Variants in FAT2 observed in about 807,000 individuals in gnomAD.
FAT2 encodes protocadherin Fat 2.
FAT2 carries 150 observed loss-of-function variants against 295.3 expected under a neutral mutation model. The ratio of observed to expected loss-of-function variants is 0.51; its 90% CI spans 0.44 to 0.58. The LOEUF (loss-of-function observed/expected upper bound fraction) is 0.58, where lower values mean the gene tolerates loss of function less well. Ranked by LOEUF, FAT2 falls within the 20% of genes least tolerant of loss-of-function variation. The pLI is 0.00. For synonymous variants in FAT2, 2,026 were observed against 2,150.3 expected (o/e 0.94, Z 1.60); for missense variants, 4,868 against 5,442.7 (o/e 0.89, Z 3.32).
rs1457976187 is a variant in FAT2, at chr5:151,510,096, C to A, written c.11984G>T (p.Cys3995Phe). 1 of 1,614,202 alleles carries A rather than the reference C, an allele frequency of 6.2e-7. No individual in the cohort carries two copies. Among genetic ancestry groups the A allele is most frequent in the Admixed American group, 1.7e-5 (1 of 60,028 alleles). The change falls in exon 22 of 24, where the codon TGC (cysteine) becomes TTC (phenylalanine). Residue 3995 changes from cysteine to phenylalanine, a missense_variant. Physicochemically the swap from Cys to Phe is radical, Grantham distance 205 (BLOSUM62 -2). This residue lies in a region of FAT2 where 492 missense variants were observed against 482.6 expected (regional missense o/e 1.02). Coordinates refer to ENST00000261800, the MANE Select transcript of FAT2 (RefSeq NM_001447.3). Reference sequence around the variant, plus strand: ...GAGGATGCAAGTTCCACCTTCCAGGCAGGGTGCAAAAGTACAGTTCTCCCT... The same window carrying A: ...GAGGATGCAAGTTCCACCTTCCAGGAAGGGTGCAAAAGTACAGTTCTCCCT... Reference protein sequence around the residue: ...QGRENCTFAPCLEGGTCILSP... With the variant: ...QGRENCTFAPFLEGGTCILSP...
At chr5:151,584,355 AT>A (rs1434182109) in intron 1 of FAT2, among the ~76,000 whole-genome samples, 2 of 152,120 alleles carry the variant, frequency 1.3e-5, no homozygotes, top group African/African-American at 4.8e-5. Flanking sequence ...GTTCCAGCTC[AT>A]TGGGGCTTAC....
At chr5:151,578,782 G>GC (rs917306142) in intron 1 of FAT2, among the ~76,000 whole-genome samples, 1 of 152,210 alleles carries the variant, frequency 6.6e-6, no homozygotes, top group Non-Finnish European at 1.5e-5. Context: ...ATGTCATTCA[G>GC]CCTTAAAAGG....
chr5:151,546,744 G>A (rs1191487210), intron 9 of FAT2, among the ~76,000 whole-genome samples: 1 of 151,766 alleles, frequency 6.6e-6, no homozygotes, highest in African/African-American at 2.4e-5. Flanking sequence ...TTTAGAGTCA[G>A]GGTCTTTCCT....
Position 151,521,975 on chromosome 5 carries a change from C to A in FAT2, c.10618G>T (p.Val3540Phe), listed in dbSNP as rs759884020. The A allele has an allele frequency of 1.9e-6, 3 of 1,614,226 alleles. No individual in the cohort carries two copies. Among genetic ancestry groups the A allele is most frequent in the Non-Finnish European group, 2.5e-6 (3 of 1,180,028 alleles). ...SALPLEIFIT[V>F]GEDEFQGGMV... Reference sequence around the variant, plus strand: ...CCACCCTGGAACTCATCCTCTCCAACAGTGATGAAGATCTCCAGTGGGAGA... The same window carrying A: ...CCACCCTGGAACTCATCCTCTCCAAAAGTGATGAAGATCTCCAGTGGGAGA... The change falls in exon 19 of 24, where the codon GTT (valine) becomes TTT (phenylalanine). Residue 3540 changes from valine to phenylalanine, a missense_variant. Coordinates refer to ENST00000261800, the MANE Select transcript of FAT2 (RefSeq NM_001447.3).
intron 10 of FAT2, 122 bp from the exon 11 acceptor site, chr5:151,540,885 C>T: frequency 3.5e-6 from 3 of 852,926 alleles, no homozygotes; most frequent in South Asian, 4.3e-5. Flanking sequence ...CATTTCCTTC[C>T]TTAACTAGGA....
intron 1 of FAT2, among the ~76,000 whole-genome samples, chr5:151,570,184 A>G (rs1376521136): frequency 1.3e-5 from 2 of 152,244 alleles, no homozygotes; most frequent in Admixed American, 1.3e-4. Flanking sequence ...AGCTCCTTGC[A>G]CAGACCAGGG....
At position 151,546,250 on chromosome 5, in the gene FAT2, T is replaced by C. The variant is rs577417745; in HGVS notation, c.4877A>G (p.His1626Arg). The C allele has an allele frequency of 1.2e-6, 2 of 1,614,050 alleles. No homozygotes were observed. The highest frequency in any genetic ancestry group is 1.7e-6 in the Non-Finnish European group (2 of 1,180,022). Reference protein sequence around the residue: ...QKLDQANHAPHTLTVKAEDQG... With the variant: ...QKLDQANHAPRTLTVKAEDQG... Reference sequence around the variant, plus strand: ...ATCTTCTGCCTTCACTGTCAGAGTATGTGGGGCATGATTTGCCTGATCAAG... The same window carrying C: ...ATCTTCTGCCTTCACTGTCAGAGTACGTGGGGCATGATTTGCCTGATCAAG... The change falls in exon 10 of 24, where the codon CAT becomes CGT. Residue 1626 changes from histidine to arginine, a missense_variant. His to Arg is a conservative substitution (Grantham distance 29). This residue lies in a region of FAT2 where 3,297 missense variants were observed against 3,669.4 expected (regional missense o/e 0.90). Coordinates refer to ENST00000261800, the MANE Select transcript of FAT2 (RefSeq NM_001447.3).
At chr5:151,574,667 G>GGGAT (rs1758674358) in intron 1 of FAT2, among the ~76,000 whole-genome samples, 1 of 152,206 alleles carries the variant, frequency 6.6e-6, no homozygotes, top group Admixed American at 6.5e-5. Flanking sequence ...TCGCATTCAA[G>GGGAT]TCTCCCACTC....
chr5:151,511,130 G>A (rs1327533365), intron 21 of FAT2: 1 of 152,544 alleles, frequency 6.6e-6, no homozygotes, highest in Admixed American at 6.5e-5. Context: ...AGGGTGAGAG[G>A]TGATGGGGGC....
At chr5:151,506,953 A>T (rs1173712488) in intron 23 of FAT2, among the ~76,000 whole-genome samples, 12 of 152,186 alleles carry the variant, frequency 7.9e-5, no homozygotes, top group Admixed American at 7.9e-4. Flanking sequence ...AATTTAAAGG[A>T]GTGCAATAGA....
upstream of FAT2, among the ~76,000 whole-genome samples, chr5:151,594,732 AC>A (rs1759521284): frequency 6.6e-6 from 1 of 152,194 alleles, no homozygotes; most frequent in Non-Finnish European, 1.5e-5. Context: ...CAATACAGCC[AC>A]ACTCACCTAA....
chr5:151,594,424 A>G (rs980946053), upstream of FAT2, among the ~76,000 whole-genome samples: 5 of 152,218 alleles, frequency 3.3e-5, no homozygotes, highest in Non-Finnish European at 7.3e-5. Flanking sequence ...ACCCAAACCA[A>G]TTACATCAGA....
In FAT2 at chr5:151,542,868, C is replaced by T. The variant is rs1433755056; in HGVS notation, c.8259G>A (p.Lys2753=). 1.2e-6 allele frequency: 2 copies of T among 1,614,192 alleles called. No individual in the cohort carries two copies. ...DPDTGVIKVR[K]PMDHESTKLY... ...ATTTGGTGGATTCGTGGTCCATGGG[C>T]TTCCTCACCTTTATGACCCCTGTGT... The change falls in exon 10 of 24, where the codon AAG becomes AAA. Residue 2753 remains lysine (K), a synonymous_variant. Transcript: ENST00000261800.
At position 151,507,537 on chromosome 5, in the gene FAT2, C is replaced by T. The variant is rs1188608788; in HGVS notation, c.12134G>A (p.Gly4045Glu). 5.6e-6 allele frequency: 9 copies of T among 1,614,048 alleles called. No homozygotes were observed. The highest frequency in any genetic ancestry group is 7.6e-6 in the Non-Finnish European group (9 of 1,180,002). Residue 4045 changes from glycine to glutamate, a missense_variant, in exon 23 of 24, where the codon GGG becomes GAG. Around this residue, in one of 5 missense-constraint regions of FAT2, gnomAD observed 492 missense variants for 482.6 expected, o/e 1.02. Transcript: ENST00000261800. The stretch of plus-strand genomic sequence containing the variant: ...TGTGATGATCAGTAACTCCTGCTGC[C>T]CCCAGTCCCCCCTTTGGATCTCGGG... Reference protein sequence around the residue: ...VTPEIQRGDWGQQELLIITVA... With the variant: ...VTPEIQRGDWEQQELLIITVA...
chr5:151,569,119 G>T (rs1424754413), intron 1 of FAT2, among the ~76,000 whole-genome samples, 168 bp from the exon 2 acceptor site: 3 of 152,198 alleles, frequency 2.0e-5, no homozygotes, highest in African/African-American at 7.2e-5. Flanking sequence ...CATCTGGCAG[G>T]TAGAGGCTGG....
Position 151,567,778 on chromosome 5 carries a change from C to G in FAT2, c.1154G>C (p.Arg385Thr), listed in dbSNP as rs761296405. 1.9e-6 allele frequency: 3 copies of G among 1,614,160 alleles called. No individual in the cohort carries two copies. In the South Asian group the frequency reaches 3.3e-5, roughly 18 times the overall value. Reference sequence around the variant, plus strand: ...CAGGTTGGGGAAGGCTGGGGTGACTCTCACCATCACCACGCGGCTGCCAGG... The same window carrying G: ...CAGGTTGGGGAAGGCTGGGGTGACTGTCACCATCACCACGCGGCTGCCAGG... Reference protein sequence around the residue: ...SPPGSRVVMVRVTPAFPNLQY... With the variant: ...SPPGSRVVMVTVTPAFPNLQY... Residue 385 changes from arginine (R) to threonine (T), a missense_variant, in exon 2 of 24, where the codon AGA becomes ACA. Physicochemically the swap from Arg to Thr is moderately conservative, Grantham distance 71. Transcript: ENST00000261800.
chr5:151,522,112 C>T, intron 18 of FAT2, 26 bp from the exon 19 acceptor site: 2 of 1,531,760 alleles, frequency 1.3e-6, no homozygotes, highest in Middle Eastern at 2.3e-4. Flanking sequence ...ACACTGCTGT[C>T]ACCCAACAGA....
Position 151,549,381 on chromosome 5 carries a change from A to G in FAT2, c.4703T>C (p.Ile1568Thr), listed in dbSNP as rs753135006. The G allele has an allele frequency of 5.6e-6, 9 of 1,614,058 alleles. No individual in the cohort carries two copies. Among genetic ancestry groups the G allele is most frequent in the Middle Eastern group, 1.7e-4 (1 of 6,004 alleles). ...CTGCAGCAGCTCTGTGCCGGGGGCT[A>G]TGGTGTCAGGAACACTTGCCTCATA... ...LHYEASVPDT[I>T]APGTELLQVR... The change falls in exon 9 of 24, where the codon ATA becomes ACA. Residue 1568 changes from isoleucine to threonine, a missense_variant. By Grantham distance (89) the Ile-to-Thr change is moderately conservative. Coordinates refer to ENST00000261800, the MANE Select transcript of FAT2 (RefSeq NM_001447.3).
intron 19 of FAT2, among the ~76,000 whole-genome samples, chr5:151,519,163 G>T (rs1753185321): frequency 6.6e-6 from 1 of 152,164 alleles, no homozygotes; most frequent in Non-Finnish European, 1.5e-5. Flanking sequence ...GGTCAACGTG[G>T]TGAAACCCCG....
Sources: allele counts gnomAD v4.1 joint callset (sites outside exome capture counted in the v4.1 genomes callset), GRCh38; gene constraint gnomAD v4.1.1; regional missense constraint gnomAD v4.1.1; transcripts MANE v1.5; gene names NCBI Gene and HGNC (gene_info 2026-07-23, HGNC 2026-07-21).